The following AXIN1 variants were observed in gnomAD, a reference collection of about 807,000 sequenced individuals.
AXIN1 encodes axin 1.
A neutral mutation model predicts 76.4 loss-of-function variants in AXIN1; 30 were observed. That is an observed-to-expected ratio of 0.39 (90% confidence interval 0.29 to 0.53). AXIN1 has a LOEUF of 0.53. AXIN1 is among the 20% of genes least tolerant of loss of function. The probability of loss-of-function intolerance (pLI) is 0.66; values close to 1 mark genes in which losing one functional copy is unlikely to be tolerated. For missense variants in AXIN1, 1,140 were observed against 1,198.8 expected (o/e 0.95, Z 0.72); for synonymous variants, 545 against 501.4 (o/e 1.09, Z -1.16).
In AXIN1 at chr16:335,957, A is replaced by G. The variant is rs370914539; in HGVS notation, c.878+10191T>C. Among the ~76,000 whole-genome samples the G allele has an allele frequency of 2.3e-3, 356 of 152,382 alleles. 1 individual carries two copies. Among genetic ancestry groups the G allele is most frequent in the African/African-American group, 8.2e-3 (343 of 41,594 alleles). Reference sequence around the variant, plus strand: ...AAATTGTACAGGAAAGAAAATGGCCAGGCGTGGTGGCTCACGCCTATAATC... The same window carrying G: ...AAATTGTACAGGAAAGAAAATGGCCGGGCGTGGTGGCTCACGCCTATAATC... On this transcript the variant is annotated intron_variant, in intron 2 of 10. Transcript: ENST00000262320.
At position 293,135 on chromosome 16, in the gene AXIN1, C is replaced by T. The variant is rs2052614509; in HGVS notation, c.2186+353G>A. 1 of 379,058 alleles carries T rather than the reference C, an allele frequency of 2.6e-6. No individual in the cohort carries two copies. The highest frequency in any genetic ancestry group is 3.7e-5 in the South Asian group (1 of 27,376). 23.5% of individuals were successfully genotyped at this position (379,058 alleles called of 1,614,324 possible). A position where few individuals can be genotyped will look rare whatever the true frequency, so the allele number is the denominator to read the frequency against. On this transcript the variant is annotated intron_variant, in intron 8 of 10. Transcript: ENST00000262320. The surrounding 1 kb of genome is among the most constrained non-coding windows in gnomAD (Gnocchi z 4.6). ...GCCTCCAGGACCTCTGCCCTAAAGCCCAGGCTGCCCAGCAGCGAGCAGCCT... is the reference window on the plus strand; with the variant it reads ...GCCTCCAGGACCTCTGCCCTAAAGCTCAGGCTGCCCAGCAGCGAGCAGCCT...
chr16:334,029 C>A (rs1299673219), intron 2 of AXIN1, among the ~76,000 whole-genome samples: 1 of 149,756 alleles, frequency 6.7e-6, no homozygotes, highest in Non-Finnish European at 1.5e-5. Context: ...CGCAGTACCA[C>A]AGCACCCAGT....
chr16:299,285 A>G, intron 5 of AXIN1: 1 of 973,618 alleles, frequency 1.0e-6, no homozygotes, highest in Non-Finnish European at 1.2e-6. Flanking sequence ...CTGACAAACT[A>G]AAACAGTATT....
chr16:325,685 G>T (rs1258663032), intron 2 of AXIN1, among the ~76,000 whole-genome samples: 1 of 152,088 alleles, frequency 6.6e-6, no homozygotes, highest in Non-Finnish European at 1.5e-5. Flanking sequence ...ACAACTTATG[G>T]TCTGTCCCAC....
At chr16:289,890 C>A (rs986076432) in intron 9 of AXIN1, 3 of 548,124 alleles carry the variant, frequency 5.5e-6, no homozygotes, top group Admixed American at 6.3e-5. Context: ...TGCACTGCAG[C>A]TCCCACCTCT....
chr16:309,038 G>A (rs1441777410), intron 4 of AXIN1, among the ~76,000 whole-genome samples: 3 of 152,204 alleles, frequency 2.0e-5, no homozygotes, highest in East Asian at 3.9e-4. Context: ...CTCAGACACC[G>A]CGGCTAACAG....
chr16:330,727 CA>C (rs2053675990), intron 2 of AXIN1, among the ~76,000 whole-genome samples: 2 of 152,038 alleles, frequency 1.3e-5, no homozygotes, highest in African/African-American at 4.8e-5. Context: ...AAAAGTAGAA[CA>C]AAAAAATGTT....
At chr16:306,404 G>A (rs977607469) in intron 4 of AXIN1, among the ~76,000 whole-genome samples, 6 of 152,162 alleles carry the variant, frequency 3.9e-5, no homozygotes, top group Admixed American at 1.3e-4. Context: ...TCTAAGCCGC[G>A]GAGGGATGCA....
chr16:321,937 G>A (rs1399203322), intron 2 of AXIN1, among the ~76,000 whole-genome samples: 2 of 152,250 alleles, frequency 1.3e-5, no homozygotes, highest in Non-Finnish European at 2.9e-5. Flanking sequence ...CTAAGTTAGA[G>A]ACCAGCTGTA....
At chr16:296,746 G>C (rs563450559) in intron 7 of AXIN1, among the ~76,000 whole-genome samples, 1 of 152,198 alleles carries the variant, frequency 6.6e-6, no homozygotes, top group South Asian at 2.1e-4. Flanking sequence ...ATTCTCATGT[G>C]GGGGTCAGAC....
intron 2 of AXIN1, among the ~76,000 whole-genome samples, chr16:327,699 C>CTT (rs2053613149): frequency 6.6e-6 from 1 of 152,266 alleles, no homozygotes; most frequent in Non-Finnish European, 1.5e-5. Context: ...CTCACCAGCA[C>CTT]TTACTGGCTA....
intron 2 of AXIN1, among the ~76,000 whole-genome samples, chr16:338,232 G>T (rs574225216): frequency 6.6e-6 from 1 of 152,216 alleles, no homozygotes; most frequent in Admixed American, 6.5e-5. Context: ...TGACACTGGC[G>T]CAAAATGTGA....
chr16:303,044 T>C (rs1455688668), intron 5 of AXIN1, among the ~76,000 whole-genome samples: 1 of 152,220 alleles, frequency 6.6e-6, no homozygotes, highest in East Asian at 1.9e-4. Context: ...AAATTTTTTC[T>C]AGAGACAGGA....
intron 2 of AXIN1, among the ~76,000 whole-genome samples, chr16:318,688 C>T (rs559792244): frequency 1.3e-5 from 2 of 152,288 alleles, no homozygotes. Context: ...CCTATGGATG[C>T]GTGCTTTGTG....
rs558447308 is a variant in AXIN1, at chr16:293,756, C to T, written c.1956-38G>A. ...GAGAACAAGTTGTGACTGTGGCCGA[C>T]ACCCTGGCCAGGTGGCCTGGTGGGG... is the stretch of plus-strand genomic sequence containing the variant. On this transcript the variant is annotated intron_variant, in intron 7 of 10. Coordinates refer to ENST00000262320, the MANE Select transcript of AXIN1 (RefSeq NM_003502.4). This position sits in a 1 kb window ranked among gnomAD's most constrained non-coding sequence, Gnocchi z 4.6. 1.0e-5 allele frequency: 16 copies of T among 1,594,124 alleles called. No homozygotes were observed. In the South Asian group the frequency reaches 1.7e-4, roughly 16 times the overall value.
intron 6 of AXIN1, among the ~76,000 whole-genome samples, chr16:297,447 C>T (rs983213159): frequency 2.0e-5 from 3 of 152,088 alleles, no homozygotes; most frequent in African/African-American, 7.2e-5. Context: ...GGTTGGTTTC[C>T]TCTCTAAACA....
Position 346,384 on chromosome 16 carries a change from G to A in AXIN1, c.642C>T (p.Gly214=), listed in dbSNP as rs1597126129. ...SDIYLEYTRT[G]SESPKVCSDQ... Reference sequence around the variant, plus strand: ...CACTACAGACTTTGGGGCTCTCCGAGCCTGTCCTCGTATATTCCAAATAAA... The same window carrying A: ...CACTACAGACTTTGGGGCTCTCCGAACCTGTCCTCGTATATTCCAAATAAA... Residue 214 remains glycine, a synonymous_variant, in exon 2 of 11, where the codon GGC becomes GGT. Coordinates refer to ENST00000262320, the MANE Select transcript of AXIN1 (RefSeq NM_003502.4). 1 of 1,614,236 alleles carries A rather than the reference G, an allele frequency of 6.2e-7. No homozygotes were observed. Among genetic ancestry groups the A allele is most frequent in the Non-Finnish European group, 8.5e-7 (1 of 1,180,042 alleles).
chr16:302,115 G>A (rs1195339833), intron 5 of AXIN1, among the ~76,000 whole-genome samples: 2 of 152,234 alleles, frequency 1.3e-5, no homozygotes, highest in Admixed American at 6.5e-5. Context: ...CAAGCGAGCC[G>A]CTCCAGTGAC....
At chr16:323,759 AAC>A (rs1236237200) in intron 2 of AXIN1, among the ~76,000 whole-genome samples, 1 of 149,200 alleles carries the variant, frequency 6.7e-6, no homozygotes, top group African/African-American at 2.5e-5. Flanking sequence ...CAGCCTGGGC[AAC>A]AGAGTGAGAC....
Sources: allele counts gnomAD v4.1 joint callset (sites outside exome capture counted in the v4.1 genomes callset), GRCh38; gene constraint gnomAD v4.1.1; non-coding constraint Gnocchi (gnomAD v3.1); transcripts MANE v1.5; gene names NCBI Gene and HGNC (gene_info 2026-07-23, HGNC 2026-07-21).